RC3H2: variants seen among roughly 807,000 people sequenced by gnomAD.
RC3H2 encodes the protein ring finger and CCCH-type domains 2, also known as roquin-2.
Under a neutral mutation model 133.3 loss-of-function variants are expected in RC3H2, and 31 were observed. That is an observed-to-expected ratio of 0.23 (90% CI 0.17 to 0.31). The LOEUF is 0.31. RC3H2 is among the 10% of genes least tolerant of loss of function. The probability of loss-of-function intolerance (pLI) is 1.00; values close to 1 mark genes in which losing one functional copy is unlikely to be tolerated. For synonymous variants in RC3H2, 517 were observed against 502.2 expected, an observed-to-expected ratio of 1.03 and a Z score of -0.40; for missense variants, 1,175 against 1,437.2, an observed-to-expected ratio of 0.82 and a Z score of 2.95.
rs567044591 is a variant in RC3H2, at chr9:122,849,593, G to A, written c.*34C>T. 90 of 1,384,258 alleles carry A rather than the reference G, an allele frequency of 6.5e-5. 2 individuals are homozygous for A. The South Asian group carries it at 1.0e-3, about 16-fold the overall frequency. 85.7% of individuals were successfully genotyped at this position (1,384,258 alleles called of 1,614,324 possible). A position where few individuals can be genotyped will look rare whatever the true frequency, so the allele number is the denominator to read the frequency against. On this transcript the variant is annotated 3_prime_UTR_variant, in exon 21 of 21. Coordinates refer to ENST00000357244, the MANE Select transcript of RC3H2 (RefSeq NM_001100588.3). ...AAAAAGCTAGTGTAAATGCTTCCAT[G>A]GTGTGGTCACAAATTTGAAAGATGA...
At position 122,877,572 on chromosome 9, in the gene RC3H2, G is replaced by A. The variant is rs747686718; in HGVS notation, c.1224C>T (p.Asn408=). 6.2e-7 allele frequency: 1 copy of A among 1,613,914 alleles called. No homozygotes were observed. The highest frequency in any genetic ancestry group is 1.1e-5 in the South Asian group (1 of 91,052). The part of the protein sequence containing the change: ...KGHETPQPQP[N]SKYKTSMCRD... The stretch of plus-strand genomic sequence containing the variant: ...GGCACATGCTAGTCTTGTATTTGCT[G>A]TTTGGCTGAGGCTACAAAAATGGGA... The change falls in exon 9 of 21, where the codon AAC becomes AAT. Residue 408 remains asparagine (N), a synonymous_variant. Coordinates refer to ENST00000357244, the MANE Select transcript of RC3H2 (RefSeq NM_001100588.3).
chr9:122,890,994 C>G (rs1165205950), intron 3 of RC3H2, among the ~76,000 whole-genome samples: 1 of 150,306 alleles, frequency 6.7e-6, no homozygotes, highest in Non-Finnish European at 1.5e-5. Flanking sequence ...ATCCTGCTTC[C>G]CCTACCAAAT....
At chr9:122,885,149 G>C (rs867573676) in intron 4 of RC3H2, among the ~76,000 whole-genome samples, 4 of 152,030 alleles carry the variant, frequency 2.6e-5, no homozygotes, top group South Asian at 4.1e-4. Flanking sequence ...TGTTACATAA[G>C]ACAGTATCCT....
At chr9:122,854,664 G>A (rs527261580) in intron 15 of RC3H2, 49 bp from the exon 16 acceptor site, 3 of 1,193,818 alleles carry the variant, frequency 2.5e-6, no homozygotes, top group Admixed American at 1.7e-5. Flanking sequence ...AAAAATCAGT[G>A]TACTGAGGTG....
chr9:122,892,845 GTCAT>G lies in RC3H2; in HGVS notation c.349+60_349+63del, dbSNP rs1407031248. On this transcript the variant is annotated intron_variant, in intron 3 of 20. Transcript: ENST00000357244. ...TAACTTAATAGGGTATCCACATCAA[GTCAT>G]TCAAAGTAAATGTACTACCAAGTCC... is the stretch of plus-strand genomic sequence containing the variant. 1.4e-5 allele frequency: 18 copies of G among 1,276,570 alleles called. No individual in the cohort carries two copies. In the Admixed American group the frequency reaches 2.6e-4, roughly 18 times the overall value. The allele number at this position is 1,276,570 out of a possible 1,614,324, so 79.1% of individuals were successfully genotyped here. A position where few individuals can be genotyped will look rare whatever the true frequency, so the allele number is the denominator to read the frequency against.
rs544130214 is a variant in RC3H2 at position 122,905,312 on chromosome 9, G to A, written c.-270C>T. 8 of 979,624 alleles carry A rather than the reference G, an allele frequency of 8.2e-6. No homozygotes were observed. Among genetic ancestry groups the A allele is most frequent in the African/African-American group, 5.3e-5 (3 of 57,078 alleles). The allele number at this position is 979,624 out of a possible 1,614,324, so 60.7% of individuals were successfully genotyped here. ...GCCTCCTCCTCCTCCCTCCACCTCC[G>A]CCTCCTCCTCCTCCTCCTCCTCACC... On this transcript the variant is annotated 5_prime_UTR_variant, in exon 1 of 21. Coordinates refer to ENST00000357244, the MANE Select transcript of RC3H2 (RefSeq NM_001100588.3).
At chr9:122,861,629 T>C (rs1830461015) in intron 10 of RC3H2, among the ~76,000 whole-genome samples, 1 of 152,182 alleles carries the variant, frequency 6.6e-6, no homozygotes, top group Admixed American at 6.5e-5. Flanking sequence ...TTTAGATATG[T>C]GATGAGTGAA....
rs1227045517 is a variant in RC3H2 at position 122,851,393 on chromosome 9, T to A, written c.3161A>T (p.Asp1054Val). The change falls in exon 19 of 21, where the codon GAT becomes GTT. Residue 1054 changes from aspartate to valine, a missense_variant. Physicochemically the swap from Asp to Val is radical, Grantham distance 152 (BLOSUM62 -3). Around this residue, in one of 8 missense-constraint regions of RC3H2, gnomAD observed 220 missense variants for 201.1 expected, o/e 1.09. Coordinates refer to ENST00000357244, the MANE Select transcript of RC3H2 (RefSeq NM_001100588.3). ...TGAAAGCTCTAACTCGATATCCCTA[T>A]CAGGTTTAGTATCTGTTGCATCTTC... The part of the protein sequence containing the change: ...YTEDATDTKP[D>V]RDIELELSAL... 12 of 1,614,056 alleles carry A rather than the reference T, an allele frequency of 7.4e-6. No individual in the cohort carries two copies. Among genetic ancestry groups the A allele is most frequent in the Non-Finnish European group, 5.9e-6 (7 of 1,180,026 alleles).
intron 9 of RC3H2, among the ~76,000 whole-genome samples, chr9:122,869,119 T>C (rs1830935998): frequency 6.6e-6 from 1 of 152,076 alleles, no homozygotes; most frequent in African/African-American, 2.4e-5. Flanking sequence ...TTGGCCAGGC[T>C]GGTCTCAAAA....
rs951131900 is a variant in RC3H2, at chr9:122,890,424, G to T, written c.471C>A (p.Ser157=). 6.2e-7 allele frequency: 1 copy of T among 1,614,072 alleles called. No individual in the cohort carries two copies. The highest frequency in any genetic ancestry group is 1.7e-5 in the Admixed American group (1 of 60,000). Reference sequence around the variant, plus strand: ...GTTCTGTTACAGTTCTTTCTCCAAGGGAACGAGCTGCTCGCATGGCTCTTA... The same window carrying T: ...GTTCTGTTACAGTTCTTTCTCCAAGTGAACGAGCTGCTCGCATGGCTCTTA... ...GRVRAMRAAR[S]LGERTVTELI... The change falls in exon 4 of 21, where the codon TCC becomes TCA. Residue 157 remains serine (S), a synonymous_variant. Coordinates refer to ENST00000357244, the MANE Select transcript of RC3H2 (RefSeq NM_001100588.3).
At chr9:122,887,933 C>T (rs1423098329) in intron 4 of RC3H2, among the ~76,000 whole-genome samples, 1 of 151,968 alleles carries the variant, frequency 6.6e-6, no homozygotes, top group Non-Finnish European at 1.5e-5. Context: ...TTAGTAGAGA[C>T]AGGGTTTCGC....
Position 122,847,079 on chromosome 9 carries a change from C to A in RC3H2, c.*2548G>T, listed in dbSNP as rs1829886357. 1 of 152,078 alleles carries A rather than the reference C, an allele frequency of 6.6e-6. No homozygotes were observed. Among genetic ancestry groups the A allele is most frequent in the African/African-American group, 2.4e-5 (1 of 41,412 alleles). The allele number at this position is 152,078 out of a possible 1,614,324, so 9.4% of individuals were successfully genotyped here. On this transcript the variant is annotated 3_prime_UTR_variant, in exon 21 of 21. Coordinates refer to ENST00000357244, the MANE Select transcript of RC3H2 (RefSeq NM_001100588.3). ...TATTGTTTTATGGGATCACCTGCTG[C>A]AAGACAAGCATTATTTTAATATAAA...
intron 2 of RC3H2, among the ~76,000 whole-genome samples, chr9:122,896,335 A>G (rs75339039): frequency 0.011 from 1,734 of 152,300 alleles, 29 homozygotes; most frequent in African/African-American, 0.039. Context: ...TAAAAAGTCA[A>G]GTGAAGTAAA....
chr9:122,852,273 A>C (rs868114043), intron 18 of RC3H2, among the ~76,000 whole-genome samples: 2,100 of 58,102 alleles, frequency 0.036, no homozygotes, highest in Middle Eastern at 0.071. Context: ...GCCGCCCCGT[A>C]TGAGAAGTGA....
chr9:122,854,585 G>C lies in RC3H2; in HGVS notation c.2846C>G (p.Ser949Ter). 1 of 1,613,158 alleles carries C rather than the reference G, an allele frequency of 6.2e-7. No individual in the cohort carries two copies. The highest frequency in any genetic ancestry group is 8.5e-7 in the Non-Finnish European group (1 of 1,179,178). ...CTCGTTGCCATATGAACTCCACCTT[G>C]AATCAACAGCATTGACATAAGGGAC... ...DYVPYVNAVD[S>*]RWSSYGNEAT... Residue 949 changes from serine (S) to a stop codon, truncating the protein, a stop_gained, in exon 16 of 21, where the codon TCA becomes TGA. Coordinates refer to ENST00000357244, the MANE Select transcript of RC3H2 (RefSeq NM_001100588.3). LOFTEE classifies it high-confidence loss of function.
At chr9:122,881,848 A>C (rs1485310556) in intron 5 of RC3H2, among the ~76,000 whole-genome samples, 1 of 152,196 alleles carries the variant, frequency 6.6e-6, no homozygotes, top group Non-Finnish European at 1.5e-5. Context: ...TAAGCATAGA[A>C]GTGACATGAT....
intron 1 of RC3H2, among the ~76,000 whole-genome samples, chr9:122,900,025 C>T (rs1159913218): frequency 6.6e-6 from 1 of 152,150 alleles, no homozygotes; most frequent in African/African-American, 2.4e-5. Context: ...AAAATGCTAT[C>T]TTTCATATTG....
intron 9 of RC3H2, among the ~76,000 whole-genome samples, chr9:122,868,098 A>G (rs1214372182): frequency 3.0e-4 from 39 of 130,330 alleles, no homozygotes; most frequent in South Asian, 8.2e-4. Context: ...CCGGCCAGCC[A>G]CCCCGTCCAG....
At position 122,854,253 on chromosome 9, in the gene RC3H2, C is replaced by T. The variant is rs1001879309; in HGVS notation, c.2914G>A (p.Val972Ile). The T allele has an allele frequency of 3.1e-6, 5 of 1,612,258 alleles. No homozygotes were observed. In the African/African-American group the frequency reaches 6.7e-5, roughly 22 times the overall value. Residue 972 changes from valine to isoleucine, a missense_variant, in exon 17 of 21, where the codon GTT becomes ATT. By Grantham distance (29) the Val-to-Ile change is conservative. This residue lies in a region of RC3H2 where 138 missense variants were observed against 215.0 expected (regional missense o/e 0.64). Transcript: ENST00000357244. ...TTTCTATGACCAGATAAATCAGTAA[C>T]AATGAATCTGTCCCTTTAAAGAGAA... ...AHYVERDRFI[V>I]TDLSGHRKHS...
Sources: allele counts gnomAD v4.1 joint callset (sites outside exome capture counted in the v4.1 genomes callset), GRCh38; gene constraint gnomAD v4.1.1; regional missense constraint gnomAD v4.1.1; transcripts MANE v1.5; gene names NCBI Gene and HGNC (gene_info 2026-07-23, HGNC 2026-07-21).